FMN2: variants seen among roughly 807,000 people sequenced by gnomAD.
FMN2 encodes the protein formin 2, also known as formin-2.
A neutral mutation model predicts 142.3 loss-of-function variants in FMN2; 51 were observed. That is an observed-to-expected ratio of 0.36 (90% CI 0.29 to 0.45). The LOEUF (loss-of-function observed/expected upper bound fraction) is 0.45, where lower values mean the gene tolerates loss of function less well. FMN2 is among the 20% of genes least tolerant of loss of function. The pLI is 1.00. For missense variants in FMN2, 1,936 were observed against 2,122.8 expected (o/e 0.91, Z 1.73); for synonymous variants, 882 against 869.8 (o/e 1.01, Z -0.25).
At chr1:240,142,967 A>G (rs1434462986) in intron 2 of FMN2, 28 of 1,591,964 alleles carry the variant, frequency 1.8e-5, no homozygotes, top group Non-Finnish European at 2.4e-5. Flanking sequence ...TGCCTAGAAT[A>G]ATGTTTCGAA....
At chr1:240,100,146 G>T (rs897314244) in intron 1 of FMN2, among the ~76,000 whole-genome samples, 1 of 152,170 alleles carries the variant, frequency 6.6e-6, no homozygotes, top group Admixed American at 6.5e-5. Flanking sequence ...TTTCAATGAG[G>T]TGTGATTGAA....
chr1:240,097,514 C>A (rs1661246358), intron 1 of FMN2, among the ~76,000 whole-genome samples: 1 of 152,094 alleles, frequency 6.6e-6, no homozygotes, highest in South Asian at 2.1e-4. Context: ...CACCACCATG[C>A]CCAGCTAATT....
chr1:240,142,766 G>T, intron 2 of FMN2: 1 of 1,597,338 alleles, frequency 6.3e-7, no homozygotes, highest in Non-Finnish European at 8.6e-7. Context: ...CCCGTTCCCC[G>T]TGGGCCAACG....
At chr1:240,255,090 C>G (rs1361411388) in intron 6 of FMN2, among the ~76,000 whole-genome samples, 4 of 152,118 alleles carry the variant, frequency 2.6e-5, no homozygotes, top group Admixed American at 2.6e-4. Flanking sequence ...CTGCTGGGGT[C>G]GCTCACTTAA....
At chr1:240,215,895 G>A (rs1666876532) in intron 6 of FMN2, among the ~76,000 whole-genome samples, 1 of 152,074 alleles carries the variant, frequency 6.6e-6, no homozygotes, top group Non-Finnish European at 1.5e-5. Flanking sequence ...TTTTAGTAGA[G>A]ACGTGGTTTC....
intron 14 of FMN2, among the ~76,000 whole-genome samples, chr1:240,382,040 C>T (rs1403717614): frequency 6.6e-6 from 1 of 152,158 alleles, no homozygotes; most frequent in Non-Finnish European, 1.5e-5. Flanking sequence ...ATTATCTCTC[C>T]TCACTGATGA....
chr1:240,177,996 A>C lies in FMN2; in HGVS notation c.1858A>C (p.Arg620=). Residue 620 remains arginine (R), a synonymous_variant, in exon 3 of 18, where the codon AGG becomes CGG. Transcript: ENST00000319653. Reference sequence around the variant, plus strand: ...GGACTATTCAGAAGGGCAGTTTCCTAGGCGAGTTCCATCCATGGGGCCACC... The same window carrying C: ...GGACTATTCAGAAGGGCAGTTTCCTCGGCGAGTTCCATCCATGGGGCCACC... ...SLDYSEGQFP[R]RVPSMGPPSK... is the part of the protein sequence containing the mutation. 1 of 1,612,990 alleles carries C rather than the reference A, an allele frequency of 6.2e-7. No individual in the cohort carries two copies. The highest frequency in any genetic ancestry group is 8.5e-7 in the Non-Finnish European group (1 of 1,179,612).
At chr1:240,184,528 T>C (rs993776345) in intron 3 of FMN2, among the ~76,000 whole-genome samples, 1 of 151,356 alleles carries the variant, frequency 6.6e-6, no homozygotes, top group African/African-American at 2.4e-5. Context: ...TTTTTTTTTT[T>C]TTTTTTTTTT....
At chr1:240,264,567 T>C (rs1026635624) in intron 7 of FMN2, among the ~76,000 whole-genome samples, 2 of 152,074 alleles carry the variant, frequency 1.3e-5, no homozygotes, top group African/African-American at 2.4e-5. Context: ...GTGTGTGATG[T>C]TCCCCTCCTT....
intron 4 of FMN2, among the ~76,000 whole-genome samples, chr1:240,199,935 G>A (rs548286995): frequency 1.3e-5 from 2 of 152,238 alleles, no homozygotes; most frequent in East Asian, 3.9e-4. Flanking sequence ...AAAGCCATTA[G>A]CTTTCCGTAA....
chr1:240,112,982 C>T (rs1661871347), intron 1 of FMN2, among the ~76,000 whole-genome samples: 1 of 152,084 alleles, frequency 6.6e-6, no homozygotes, highest in Non-Finnish European at 1.5e-5. Context: ...AGTAGGAGCT[C>T]AGGAAATATG....
chr1:240,460,126 C>T (rs1036161120), intron 16 of FMN2, among the ~76,000 whole-genome samples: 10 of 152,280 alleles, frequency 6.6e-5, no homozygotes, highest in African/African-American at 1.7e-4. Context: ...CAAAGATGAA[C>T]GCTATAGCCC....
Position 240,163,060 on chromosome 1 carries a change from CTTT to C in FMN2, c.1783-14859_1783-14857del, listed in dbSNP as rs1353321203. On this transcript the variant is annotated intron_variant, in intron 2 of 17. Transcript: ENST00000319653. ...AAACATGGAGACTTTGTTTTATCTTCTTTTATTATTGATTTCTAATTTAATTCA... is the reference window on the plus strand; with the variant it reads ...AAACATGGAGACTTTGTTTTATCTTCTATTATTGATTTCTAATTTAATTCA... Among the ~76,000 whole-genome samples the C allele has an allele frequency of 2.6e-5, 4 of 152,118 alleles. 1 individual carries two copies. The highest frequency in any genetic ancestry group is 4.8e-5 in the African/African-American group (2 of 41,508).
intron 7 of FMN2, among the ~76,000 whole-genome samples, chr1:240,271,603 A>G (rs1160325946): frequency 6.6e-6 from 1 of 151,996 alleles, no homozygotes; most frequent in Non-Finnish European, 1.5e-5. Flanking sequence ...GGTTTAGTGA[A>G]TGGTTTTCAT....
intron 7 of FMN2, among the ~76,000 whole-genome samples, chr1:240,260,044 T>A (rs1668575728): frequency 6.6e-6 from 1 of 152,208 alleles, no homozygotes; most frequent in Non-Finnish European, 1.5e-5. Flanking sequence ...AGAATAATAG[T>A]CCCCAGTTCC....
chr1:240,146,220 A>G (rs900799248), intron 2 of FMN2, among the ~76,000 whole-genome samples: 87 of 48,410 alleles, frequency 1.8e-3, no homozygotes, highest in African/African-American at 4.7e-3. Context: ...CGTCTCTACT[A>G]AAAAAAAAAA....
intron 4 of FMN2, 145 bp downstream of exon 4, chr1:240,188,407 C>G (rs1572038642): frequency 2.0e-5 from 14 of 700,232 alleles, no homozygotes; most frequent in Non-Finnish European, 2.9e-5. Flanking sequence ...TCCAGTCAGG[C>G]AGAAGGGGAT....
intron 6 of FMN2, among the ~76,000 whole-genome samples, chr1:240,237,347 A>G (rs1051839311): frequency 1.8e-4 from 28 of 152,178 alleles, no homozygotes; most frequent in Non-Finnish European, 2.5e-4. Flanking sequence ...GCCTTGACTC[A>G]GCTCTGCATA....
In FMN2 at chr1:240,286,992, TGTG is replaced by T. The variant is rs879523764; in HGVS notation, c.4154-7829_4154-7827del. On this transcript the variant is annotated intron_variant, in intron 7 of 17. Transcript: ENST00000319653. ...CTGTCAGCTCTTCTAGATGGGGGAG[TGTG>T]TATAACTCCAGATTCCCAAAATGTT... is the stretch of plus-strand genomic sequence containing the variant. Among the ~76,000 whole-genome samples the T allele has an allele frequency of 4.7e-3, 715 of 152,190 alleles. 8 individuals carry two copies. The highest frequency in any genetic ancestry group is 0.025 in the South Asian group (121 of 4,824).
Sources: allele counts gnomAD v4.1 joint callset (sites outside exome capture counted in the v4.1 genomes callset), GRCh38; gene constraint gnomAD v4.1.1; transcripts MANE v1.5; gene names NCBI Gene and HGNC (gene_info 2026-07-23, HGNC 2026-07-21).